SPATA13: variants seen among roughly 807,000 people sequenced by gnomAD.
SPATA13 encodes the protein spermatogenesis-associated protein 13.
A neutral mutation model predicts 104.0 loss-of-function variants in SPATA13; 50 were observed. The observed-to-expected ratio is 0.48, with a 90% CI of 0.38 to 0.61. SPATA13 has a LOEUF of 0.61. Among genes scored for constraint, SPATA13 ranks in the 20% least tolerant of loss-of-function variants. The pLI is 0.00. For missense variants in SPATA13, 1,524 were observed against 1,690.6 expected (o/e 0.90, Z 1.73); for synonymous variants, 606 against 667.5 (o/e 0.91, Z 1.42).
chr13:24,050,832 T>C (rs1431005377), intron 3 of SPATA13, among the ~76,000 whole-genome samples: 2 of 152,172 alleles, frequency 1.3e-5, no homozygotes, highest in Admixed American at 6.5e-5. Context: ...GTGGCAGTCA[T>C]TTGTGTAACA....
rs148292690 is a variant in SPATA13, at chr13:24,284,263, A to G, written c.2293A>G (p.Ile765Val). Residue 765 changes from isoleucine to valine, a missense_variant, in exon 5 of 13, where the codon ATC (isoleucine) becomes GTC (valine). Physicochemically the swap from Ile to Val is conservative, Grantham distance 29. Coordinates refer to ENST00000382108, the MANE Select transcript of SPATA13 (RefSeq NM_001166271.3). Reference protein sequence around the residue: ...YLQPGGEQLAINELISDGNVV... With the variant: ...YLQPGGEQLAVNELISDGNVV... ...GCAGCCCGGCGGGGAGCAGCTGGCCATCAATGAGGTACTGGAATTCCACAC... is the reference window on the plus strand; with the variant it reads ...GCAGCCCGGCGGGGAGCAGCTGGCCGTCAATGAGGTACTGGAATTCCACAC... 1.5e-3 allele frequency: 2,363 copies of G among 1,613,534 alleles called. 3 individuals carry two copies. Among genetic ancestry groups the G allele is most frequent in the Non-Finnish European group, 1.9e-3 (2,222 of 1,179,768 alleles).
At chr13:24,082,139 G>C (rs1224182891) in intron 3 of SPATA13, among the ~76,000 whole-genome samples, 1 of 152,208 alleles carries the variant, frequency 6.6e-6, no homozygotes, top group Non-Finnish European at 1.5e-5. Flanking sequence ...CAACCTCTAT[G>C]CTAGTTGCTA....
At position 24,189,860 on chromosome 13, in the gene SPATA13, T is replaced by TTA. The variant is rs1359359862; in HGVS notation, c.-112+28928_-112+28929insTA. Among the ~76,000 whole-genome samples the TTA allele has an allele frequency of 1.9e-3, 52 of 26,802 alleles. 16 individuals carry two copies. The highest frequency in any genetic ancestry group is 4.0e-3 in the Non-Finnish European group (31 of 7,830). The allele number at this position is 26,802 out of a possible 152,430, so 17.6% of individuals were successfully genotyped here. ...ATATTTAATATATTATATTAATATA[T>TTA]CATATATAATATAATTATATATCAT... On this transcript the variant is annotated intron_variant, in intron 1 of 12. Coordinates refer to ENST00000382108, the MANE Select transcript of SPATA13 (RefSeq NM_001166271.3).
At chr13:24,130,359 G>T (rs774321777) in intron 3 of SPATA13, among the ~76,000 whole-genome samples, 16 of 152,300 alleles carry the variant, frequency 1.1e-4, no homozygotes, top group Middle Eastern at 3.4e-3. Context: ...GGATCAAAAG[G>T]GGACTGTTTG....
chr13:24,019,151 G>C lies in SPATA13; in HGVS notation c.-112+1450G>C, dbSNP rs1385802827. On this transcript the variant is annotated intron_variant, in intron 3 of 14. Coordinates refer to the SPATA13 transcript ENST00000424834. ...TCGCCCAGGCTGGAGTGCAGTGGCG[G>C]GATCTCGGCTCACTGTAAGCTCCGC... Among the ~76,000 whole-genome samples, 12 of 149,172 alleles carry C rather than the reference G, an allele frequency of 8.0e-5. No individual in the cohort carries two copies. In the East Asian group the frequency reaches 1.2e-3, roughly 15 times the overall value.
At chr13:24,080,214 C>T (rs373055949) in intron 3 of SPATA13, among the ~76,000 whole-genome samples, 3 of 152,160 alleles carry the variant, frequency 2.0e-5, no homozygotes, top group Admixed American at 2.0e-4. Context: ...TTCACATGAC[C>T]GTATGTCAAA....
At chr13:24,298,184 C>A (rs1253549342) in intron 11 of SPATA13, among the ~76,000 whole-genome samples, 1 of 152,106 alleles carries the variant, frequency 6.6e-6, no homozygotes, top group Non-Finnish European at 1.5e-5. Flanking sequence ...AGAGATGGAA[C>A]CCCACTATGG....
chr13:23,986,454 C>T (rs932038076), intron 2 of SPATA13, among the ~76,000 whole-genome samples: 1 of 151,352 alleles, frequency 6.6e-6, no homozygotes, highest in African/African-American at 2.5e-5. Flanking sequence ...TTTTAAGGTC[C>T]CTTCTGCTCC....
At chr13:24,138,774 T>G (rs978724359) in intron 3 of SPATA13, among the ~76,000 whole-genome samples, 1 of 128,288 alleles carries the variant, frequency 7.8e-6, no homozygotes, top group Non-Finnish European at 1.7e-5. Context: ...TTTTTTTTTT[T>G]AGAGATGGGC....
rs79669064 is a variant in SPATA13 at position 24,219,115 on chromosome 13, C to G, written c.-111-3704C>G. ...TGAAATTCTTTCTTAGTTCTGTTCT[C>G]TTCCTATCTCTGGCAGAGTTCCCAC... On this transcript the variant is annotated intron_variant, in intron 1 of 12. Transcript: ENST00000382108. Among the ~76,000 whole-genome samples, 2,525 of 151,888 alleles carry G rather than the reference C, an allele frequency of 0.017. 132 individuals carry two copies. In the East Asian group the frequency reaches 0.18, roughly 11 times the overall value.
At chr13:24,152,296 C>T (rs1406766624) in intron 3 of SPATA13, among the ~76,000 whole-genome samples, 1 of 152,186 alleles carries the variant, frequency 6.6e-6, no homozygotes, top group Non-Finnish European at 1.5e-5. Flanking sequence ...GGCACTCCTC[C>T]CATTCATGAG....
intron 3 of SPATA13, among the ~76,000 whole-genome samples, chr13:24,058,349 A>G (rs1878646236): frequency 6.6e-6 from 1 of 151,784 alleles, no homozygotes. Flanking sequence ...CCTTAATTAT[A>G]TCAACTCATT....
intron 2 of SPATA13, among the ~76,000 whole-genome samples, chr13:24,233,245 G>A (rs1042748450): frequency 1.3e-5 from 2 of 152,104 alleles, no homozygotes; most frequent in African/African-American, 4.8e-5. Context: ...ATAATATTAT[G>A]TGTGCTTTCA....
intron 1 of SPATA13, among the ~76,000 whole-genome samples, chr13:23,980,201 A>C (rs533486579): frequency 6.6e-6 from 1 of 152,182 alleles, no homozygotes; most frequent in African/African-American, 2.4e-5. Flanking sequence ...AAAAGAAGAA[A>C]AGAAAAGTTG....
intron 1 of SPATA13, among the ~76,000 whole-genome samples, chr13:24,174,376 G>T (rs1883127658): frequency 6.6e-6 from 1 of 150,754 alleles, no homozygotes; most frequent in South Asian, 2.1e-4. Flanking sequence ...CTTGCTTTAG[G>T]CTTAGTTTGC....
intron 1 of SPATA13, among the ~76,000 whole-genome samples, chr13:24,185,015 G>A (rs541781168): frequency 2.0e-5 from 3 of 152,154 alleles, no homozygotes; most frequent in Non-Finnish European, 2.9e-5. Context: ...CACTGGGGCC[G>A]TCTTTGAAAG....
At chr13:24,090,997 A>G (rs1044904735) in intron 3 of SPATA13, among the ~76,000 whole-genome samples, 4 of 152,028 alleles carry the variant, frequency 2.6e-5, no homozygotes, top group African/African-American at 9.7e-5. Context: ...CTTTTTTGTC[A>G]TTTGTAGCTC....
intron 3 of SPATA13, among the ~76,000 whole-genome samples, chr13:24,030,945 C>T (rs1337076469): frequency 6.6e-6 from 1 of 152,192 alleles, no homozygotes; most frequent in African/African-American, 2.4e-5. Context: ...TTGCTTAAGT[C>T]CACAAAGTAA....
At chr13:24,285,087 TA>T (rs1248305492) in intron 5 of SPATA13, among the ~76,000 whole-genome samples, 1 of 152,126 alleles carries the variant, frequency 6.6e-6, no homozygotes, top group Non-Finnish European at 1.5e-5. Context: ...CATAACTCCT[TA>T]GTGAGTCAGC....
Sources: gnomAD v4.1 joint callset for allele counts (sites outside exome capture counted in the v4.1 genomes callset) on GRCh38, gnomAD v4.1.1 for gene constraint, MANE v1.5 for transcripts, NCBI Gene and HGNC (gene_info 2026-07-23, HGNC 2026-07-21) for gene names.